The following FRMD8 variants were observed in gnomAD, a reference collection of about 807,000 sequenced individuals.
FRMD8 encodes FERM domain-containing protein 8.
A neutral mutation model predicts 54.2 loss-of-function variants in FRMD8; 37 were observed. The observed-to-expected ratio is 0.68, with a 90% CI of 0.53 to 0.90. FRMD8 has a LOEUF of 0.90. Ranked by LOEUF, FRMD8 falls within the 40% of genes least tolerant of loss-of-function variation. The probability of loss-of-function intolerance (pLI) is 0.00; values close to 1 mark genes in which losing one functional copy is unlikely to be tolerated. For synonymous variants in FRMD8, 246 were observed against 286.9 expected, an observed-to-expected ratio of 0.86 and a Z score of 1.44; for missense variants, 585 against 653.7, an observed-to-expected ratio of 0.89 and a Z score of 1.15.
chr11:65,399,817 C>T lies in FRMD8; in HGVS notation c.885C>T (p.Ala295=). The T allele has an allele frequency of 6.2e-7, 1 of 1,614,056 alleles. No homozygotes were observed. The highest frequency in any genetic ancestry group is 8.5e-7 in the Non-Finnish European group (1 of 1,179,972). Residue 295 remains alanine (A), a synonymous_variant, in exon 8 of 11, where the codon GCC becomes GCT. Coordinates refer to ENST00000317568, the MANE Select transcript of FRMD8 (RefSeq NM_031904.5). ...GTGGGCGCAAGCCAGTTTCTGTGGC[C>T]ATCAGTCTGGAAGGCGTGCACGTCA... ...HRGGRKPVSV[A]ISLEGVHVID... is the part of the protein sequence containing the mutation.
chr11:65,376,819 G>A, the FRMD8 span: 1 of 1,614,066 alleles, frequency 6.2e-7, no homozygotes, highest in Non-Finnish European at 8.5e-7. Flanking sequence ...TTTACTTACT[G>A]GGATTCTGGC....
intron 2 of FRMD8, 79 bp from the exon 3 acceptor site, chr11:65,389,282 T>G: frequency 7.1e-7 from 1 of 1,405,890 alleles, no homozygotes; most frequent in Non-Finnish European, 9.9e-7. Flanking sequence ...CCCCAGTGGG[T>G]GGTAGAGGGT....
upstream of FRMD8, among the ~76,000 whole-genome samples, chr11:65,385,788 A>T (rs528979263): frequency 6.6e-6 from 1 of 151,038 alleles, no homozygotes; most frequent in Admixed American, 6.6e-5. Flanking sequence ...TGATTTAGAC[A>T]TATATATATA....
At chr11:65,381,947 G>T (rs373554602), upstream of FRMD8, 4 of 1,614,052 alleles carry the variant, frequency 2.5e-6, no homozygotes, top group South Asian at 4.4e-5. Flanking sequence ...TTCCTCCACC[G>T]GCATTGTCTG....
intron 6 of FRMD8, 36 bp from the exon 7 acceptor site, chr11:65,396,763 G>A: frequency 7.2e-7 from 1 of 1,397,152 alleles, no homozygotes; most frequent in Non-Finnish European, 9.5e-7. Context: ...GGCACCTCTG[G>A]TTGGGCCGCT....
intron 9 of FRMD8, among the ~76,000 whole-genome samples, chr11:65,403,145 T>A (rs557416558): frequency 3.5e-4 from 54 of 152,334 alleles, no homozygotes; most frequent in African/African-American, 1.2e-3. Context: ...CCCAAAGTGC[T>A]GGGATTACAG....
rs773463027 is a variant in FRMD8 at position 65,387,053 on chromosome 11, G to T, written c.17G>T (p.Gly6Val). The change falls in exon 2 of 11, where the codon GGC becomes GTC. Residue 6 changes from glycine to valine, a missense_variant. By Grantham distance (109) the Gly-to-Val change is moderately radical (BLOSUM62 -3). Transcript: ENST00000317568. The part of the protein sequence containing the change: MDGTE[G>V]SAGQPGPAER... ...CCTTTGCAGATGGACGGGACAGAAG[G>T]CAGTGCCGGGCAGCCCGGCCCCGCT... is the stretch of plus-strand genomic sequence containing the variant. 2 of 1,609,240 alleles carry T rather than the reference G, an allele frequency of 1.2e-6. No individual in the cohort carries two copies. The highest frequency in any genetic ancestry group is 8.5e-7 in the Non-Finnish European group (1 of 1,179,984).
Position 65,394,407 on chromosome 11 carries a change from C to CGGCA in FRMD8, c.565_568dup (p.Ala190GlyfsTer19). The CGGCA allele has an allele frequency of 6.4e-7, 1 of 1,567,610 alleles. No individual in the cohort carries two copies. Among genetic ancestry groups the CGGCA allele is most frequent in the Middle Eastern group, 1.7e-4 (1 of 5,954 alleles). On this transcript the variant is annotated frameshift_variant, in exon 6 of 11. Coordinates refer to ENST00000317568, the MANE Select transcript of FRMD8 (RefSeq NM_031904.5). LOFTEE classifies it high-confidence loss of function. ...CTTGGGCCCTACCAGCCCGGCCGGC[C>CGGCA]GGCAGCCTGCGACCTGAGGTGAGGG...
At chr11:65,381,860 G>C (rs142281092), upstream of FRMD8, 152 of 1,610,892 alleles carry the variant, frequency 9.4e-5, no homozygotes, top group African/African-American at 1.7e-3. Context: ...CCATCTTCCC[G>C]AGGAAGTGAC....
At chr11:65,379,371 C>T in the FRMD8 span, 9 of 1,607,556 alleles carry the variant, frequency 5.6e-6, no homozygotes, top group Non-Finnish European at 7.6e-6. Flanking sequence ...TCACTGCCCC[C>T]TCACCTGCAG....
At chr11:65,393,711 CA>C (rs1260347005) in intron 4 of FRMD8, 37 bp downstream of exon 4, 3 of 1,519,494 alleles carry the variant, frequency 2.0e-6, no homozygotes, top group African/African-American at 2.7e-5. Context: ...GCCTCGGGAC[CA>C]CCTGAGTCTG....
the FRMD8 span, chr11:65,378,987 G>A: frequency 0.02 from 4,818 of 240,158 alleles, 283 homozygotes; most frequent in African/African-American, 0.11. Context: ...ATCAGGACCC[G>A]GCCAGAGGGG....
At position 65,412,301 on chromosome 11, in the gene FRMD8, C is replaced by T. The variant is rs1856351707; in HGVS notation, c.*941C>T. The T allele has an allele frequency of 6.6e-6, 1 of 150,772 alleles. No homozygotes were observed. The highest frequency in any genetic ancestry group is 2.4e-5 in the African/African-American group (1 of 40,888). The allele number at this position is 150,772 out of a possible 1,614,324, so 9.3% of individuals were successfully genotyped here. ...TTCAGGTTTTAGTTTGGTCTTTGTT[C>T]ATCTGAGTTGTGCTGGGGCAACGCC... On this transcript the variant is annotated 3_prime_UTR_variant, in exon 11 of 11. Coordinates refer to ENST00000317568, the MANE Select transcript of FRMD8 (RefSeq NM_031904.5).
intron 9 of FRMD8, 140 bp downstream of exon 9, chr11:65,401,007 A>AG: frequency 1.0e-6 from 1 of 974,698 alleles, no homozygotes; most frequent in East Asian, 2.6e-5. Flanking sequence ...CCTGGGCACA[A>AG]GGGGTGCCTT....
chr11:65,395,304 A>T (rs1855930164), intron 6 of FRMD8, among the ~76,000 whole-genome samples: 1 of 152,054 alleles, frequency 6.6e-6, no homozygotes, highest in Admixed American at 6.5e-5. Context: ...ACACTTTGGG[A>T]GGCCGAGGCG....
In FRMD8 at chr11:65,393,525, C is replaced by A. The variant is rs1439174988; in HGVS notation, c.254-48C>A. 2.1e-6 allele frequency: 3 copies of A among 1,444,694 alleles called. No homozygotes were observed. The East Asian group carries it at 6.8e-5, about 33-fold the overall frequency. 89.5% of individuals were successfully genotyped at this position (1,444,694 alleles called of 1,614,324 possible). A position where few individuals can be genotyped will look rare whatever the true frequency, so the allele number is the denominator to read the frequency against. ...GGTGTGATAGGTGGAAGGGCAGCCA[C>A]TGGACTGGCCGGAGGCTGCATGGGC... On this transcript the variant is annotated intron_variant, in intron 3 of 10. Transcript: ENST00000317568.
intron 6 of FRMD8, 54 bp from the exon 7 acceptor site, chr11:65,396,745 G>A (rs181810879): frequency 8.0e-5 from 100 of 1,242,746 alleles, no homozygotes; most frequent in Non-Finnish European, 1.0e-4. Flanking sequence ...GCCCTCCCCC[G>A]TGAGCCTGGC....
the FRMD8 span, among the ~76,000 whole-genome samples, chr11:65,370,270 T>C: frequency 2.0e-5 from 3 of 150,886 alleles, no homozygotes; most frequent in Non-Finnish European, 4.4e-5. Context: ...GGAGGGAGCC[T>C]GATGTGCTTA....
chr11:65,389,581 A>C lies in FRMD8; in HGVS notation c.253+53A>C. 5 of 1,493,006 alleles carry C rather than the reference A, an allele frequency of 3.3e-6. No homozygotes were observed. In the South Asian group the frequency reaches 3.7e-5, roughly 11 times the overall value. The allele number at this position is 1,493,006 out of a possible 1,614,324, so 92.5% of individuals were successfully genotyped here. On this transcript the variant is annotated intron_variant, in intron 3 of 10. Coordinates refer to ENST00000317568, the MANE Select transcript of FRMD8 (RefSeq NM_031904.5). The stretch of plus-strand genomic sequence containing the variant: ...CTGGAGGGTTGGAAGGGCACTGACC[A>C]GTACAGGAGGGAGGGGGCAGTGTTT...
Sources: allele counts gnomAD v4.1 joint callset (sites outside exome capture counted in the v4.1 genomes callset), GRCh38; gene constraint gnomAD v4.1.1; transcripts MANE v1.5; gene names NCBI Gene and HGNC (gene_info 2026-07-23, HGNC 2026-07-21).